Variants in UBAC1 observed in about 807,000 individuals in gnomAD.
The protein encoded by UBAC1 is ubiquitin-associated domain-containing protein 1.
A neutral mutation model predicts 45.9 loss-of-function variants in UBAC1; 27 were observed. The ratio of observed to expected loss-of-function variants is 0.59; its 90% CI spans 0.43 to 0.81. The LOEUF is 0.81. Among genes scored for constraint, UBAC1 ranks in the 30% least tolerant of loss-of-function variants. The pLI is 0.00. For missense variants in UBAC1, 529 were observed against 539.2 expected, an observed-to-expected ratio of 0.98 and a Z score of 0.19; for synonymous variants, 227 against 215.5, an observed-to-expected ratio of 1.05 and a Z score of -0.47.
Position 135,933,560 on chromosome 9 carries a change from A to G in UBAC1, c.1103-45T>C. The G allele has an allele frequency of 2.8e-6, 4 of 1,441,068 alleles. No individual in the cohort carries two copies. In the East Asian group the frequency reaches 9.1e-5, roughly 33 times the overall value. 89.3% of individuals were successfully genotyped at this position (1,441,068 alleles called of 1,614,324 possible). On this transcript the variant is annotated intron_variant, in intron 9 of 9. Coordinates refer to ENST00000371756, the MANE Select transcript of UBAC1 (RefSeq NM_016172.3). ...AGCCTGAGTGCCCACGCCCCCACTC[A>G]GCCCACAGGCACAGGCGTGACTTTC...
chr9:135,943,085 C>T (rs1839288423), intron 7 of UBAC1, among the ~76,000 whole-genome samples: 1 of 152,128 alleles, frequency 6.6e-6, no homozygotes, highest in Non-Finnish European at 1.5e-5. Flanking sequence ...AAAACAACCC[C>T]ATTAAAAAGT....
At chr9:135,938,512 A>C in intron 8 of UBAC1, 152 bp from the exon 9 acceptor site, 7 of 1,007,920 alleles carry the variant, frequency 6.9e-6, no homozygotes, top group Non-Finnish European at 9.9e-6. Context: ...TACCGTGAAG[A>C]CAAACGCAGT....
Position 135,945,156 on chromosome 9 carries a change from C to G in UBAC1, c.748G>C (p.Glu250Gln). 1 of 1,613,806 alleles carries G rather than the reference C, an allele frequency of 6.2e-7. No homozygotes were observed. Among genetic ancestry groups the G allele is most frequent in the Non-Finnish European group, 8.5e-7 (1 of 1,179,946 alleles). Reference sequence around the variant, plus strand: ...TCGGAGGCAGCTGCTGTGGCCCCCTCGGCCTCTGGGGGAGCTTGGCCAGGA... The same window carrying G: ...TCGGAGGCAGCTGCTGTGGCCCCCTGGGCCTCTGGGGGAGCTTGGCCAGGA... ...PLPGQAPPEA[E>Q]GATAAASEAA... The change falls in exon 7 of 10, where the codon GAG becomes CAG. Residue 250 changes from glutamate to glutamine, a missense_variant. Physicochemically the swap from Glu to Gln is conservative, Grantham distance 29. Coordinates refer to ENST00000371756, the MANE Select transcript of UBAC1 (RefSeq NM_016172.3).
In UBAC1 at chr9:135,946,369, G is replaced by T. The variant is rs771432476; in HGVS notation, c.444C>A (p.Phe148Leu). Residue 148 changes from phenylalanine (F) to leucine (L), a missense_variant and splice_region_variant, in exon 5 of 10, where the codon TTC (phenylalanine) becomes TTA (leucine). Transcript: ENST00000371756. ...CCAGTATCTTCCGGAGTTCTGTCTG[G>T]AACTGTGGTGAAAAAAAAGGAGATC... ...RAAVQTNMRD[F>L]QTELRKILVS... 1.2e-6 allele frequency: 2 copies of T among 1,605,682 alleles called. No homozygotes were observed. The highest frequency in any genetic ancestry group is 2.7e-5 in the African/African-American group (2 of 74,862).
At position 135,952,396 on chromosome 9, in the gene UBAC1, G is replaced by A. The variant is rs537847883; in HGVS notation, c.333+1284C>T. ...AATGCAAAGACAGCAGAGGAAAGTG[G>A]CTGCCCTTCTAGCTGGCAGGCTCCA... On this transcript the variant is annotated intron_variant, in intron 3 of 9. Coordinates refer to ENST00000371756, the MANE Select transcript of UBAC1 (RefSeq NM_016172.3). Among the ~76,000 whole-genome samples the A allele has an allele frequency of 2.0e-5, 3 of 152,370 alleles. No individual in the cohort carries two copies. The East Asian group carries it at 5.8e-4, about 29-fold the overall frequency.
chr9:135,934,940 G>C (rs1839186344), intron 9 of UBAC1, among the ~76,000 whole-genome samples: 1 of 152,104 alleles, frequency 6.6e-6, no homozygotes, highest in African/African-American at 2.4e-5. Context: ...GAGTGCAGTG[G>C]AGTGATCATG....
In UBAC1 at chr9:135,939,768, C is replaced by G; in HGVS notation, c.877-9G>C. 6.2e-7 allele frequency: 1 copy of G among 1,611,174 alleles called. No homozygotes were observed. On this transcript the variant is annotated splice_polypyrimidine_tract_variant and intron_variant, in intron 7 of 9. Transcript: ENST00000371756. The stretch of plus-strand genomic sequence containing the variant: ...ATCAGGGAAATGACGGCCTAGAGGA[C>G]AGCACAGCCGTTAGCTCGCTGGGGG...
chr9:135,945,335 G>T, intron 6 of UBAC1, 85 bp from the exon 7 acceptor site: 1 of 1,220,984 alleles, frequency 8.2e-7, no homozygotes, highest in Non-Finnish European at 1.1e-6. Flanking sequence ...AAGAGCCTCT[G>T]CTATGGTAGT....
intron 3 of UBAC1, among the ~76,000 whole-genome samples, chr9:135,948,447 C>T (rs537287338): frequency 2.2e-4 from 33 of 152,262 alleles, no homozygotes; most frequent in Non-Finnish European, 3.8e-4. Flanking sequence ...AGAGCATGGA[C>T]GCAAGACCAT....
chr9:135,953,584 C>G, intron 3 of UBAC1, 96 bp downstream of exon 3: 2 of 1,019,882 alleles, frequency 2.0e-6, no homozygotes, highest in Non-Finnish European at 2.9e-6. Context: ...TCCCAAAGTG[C>G]TGGGATTACA....
Position 135,947,935 on chromosome 9 carries a change from G to A in UBAC1, c.334-30C>T, listed in dbSNP as rs1260309370. 4 of 1,597,424 alleles carry A rather than the reference G, an allele frequency of 2.5e-6. No individual in the cohort carries two copies. In the African/African-American group the frequency reaches 5.4e-5, roughly 21 times the overall value. On this transcript the variant is annotated intron_variant, in intron 3 of 9. Transcript: ENST00000371756. ...ACAGAAACGTAATCAGAAAGTCTGA[G>A]GTGAACGTAAGAGCAGCAAAAAGAC...
rs114280388 is a variant in UBAC1, at chr9:135,948,115, A to G, written c.334-210T>C. On this transcript the variant is annotated intron_variant, in intron 3 of 9. Transcript: ENST00000371756. ...GTCCTCAGCGTCTGCTCTGACGTAA[A>G]TAAGAGTGAAGCGGTAGGTGAGGGG... is the stretch of plus-strand genomic sequence containing the variant. 3.0e-3 allele frequency: 1,538 copies of G among 521,092 alleles called. 26 individuals carry two copies. Among genetic ancestry groups the G allele is most frequent in the African/African-American group, 0.027 (1,361 of 51,214 alleles). 32.3% of individuals were successfully genotyped at this position (521,092 alleles called of 1,614,324 possible). A position where few individuals can be genotyped will look rare whatever the true frequency, so the allele number is the denominator to read the frequency against.
chr9:135,945,187 C>A lies in UBAC1; in HGVS notation c.717G>T (p.Thr239=), dbSNP rs747291545. 1.2e-6 allele frequency: 2 copies of A among 1,612,776 alleles called. No individual in the cohort carries two copies. The highest frequency in any genetic ancestry group is 2.2e-5 in the East Asian group (1 of 44,846). The change falls in exon 7 of 10, where the codon ACG becomes ACT. Residue 239 remains threonine, a synonymous_variant. Coordinates refer to ENST00000371756, the MANE Select transcript of UBAC1 (RefSeq NM_016172.3). ...CTGGGGGAGCTTGGCCAGGAAGAGG[C>A]GTGTCTATGGTCGGGTCTTCTGCGT... The part of the protein sequence containing the change: ...IEHAEDPTID[T]PLPGQAPPEA...
At chr9:135,954,639 C>T (rs1239547215) in intron 2 of UBAC1, among the ~76,000 whole-genome samples, 1 of 152,220 alleles carries the variant, frequency 6.6e-6, no homozygotes, top group African/African-American at 2.4e-5. Flanking sequence ...GACAATCCTG[C>T]AACAGGCATT....
rs577545372 is a variant in UBAC1, at chr9:135,960,546, C to A, written c.138+479G>T. Among the ~76,000 whole-genome samples, 60 of 152,110 alleles carry A rather than the reference C, an allele frequency of 3.9e-4. 1 individual carries two copies. The highest frequency in any genetic ancestry group is 2.1e-4 in the South Asian group (1 of 4,812). ...GAAGAGGAAGGAGAAGGGGCCTCTT[C>A]ATGAAGGAGCCTACGTTAATTCTCA... is the stretch of plus-strand genomic sequence containing the variant. On this transcript the variant is annotated intron_variant, in intron 1 of 9. Transcript: ENST00000371756.
intron 3 of UBAC1, among the ~76,000 whole-genome samples, chr9:135,951,867 G>A (rs1032246259): frequency 6.6e-6 from 1 of 152,122 alleles, no homozygotes; most frequent in African/African-American, 2.4e-5. Flanking sequence ...AATATGAACT[G>A]ACATCTTACA....
rs374638887 is a variant in UBAC1 at position 135,955,288 on chromosome 9, G to A, written c.259+7C>T. 6.4e-7 allele frequency: 1 copy of A among 1,566,714 alleles called. No homozygotes were observed. The highest frequency in any genetic ancestry group is 8.6e-7 in the Non-Finnish European group (1 of 1,161,052). On this transcript the variant is annotated splice_region_variant and intron_variant, in intron 2 of 9. Transcript: ENST00000371756. ...GCTGCCAACCCGCCCGCCCACAGCAGCCTTACCTTGGTCCTGGATGTTCTC... is the reference window on the plus strand; with the variant it reads ...GCTGCCAACCCGCCCGCCCACAGCAACCTTACCTTGGTCCTGGATGTTCTC...
intron 9 of UBAC1, 76 bp from the exon 10 acceptor site, chr9:135,933,591 C>A (rs1000918696): frequency 9.7e-7 from 1 of 1,033,304 alleles, no homozygotes; most frequent in African/African-American, 1.6e-5. Flanking sequence ...CTTTCCTCTT[C>A]GGCAGCTTCC....
intron 9 of UBAC1, among the ~76,000 whole-genome samples, chr9:135,936,637 G>A (rs947673533): frequency 2.0e-5 from 3 of 152,012 alleles, no homozygotes; most frequent in African/African-American, 4.8e-5. Flanking sequence ...GGGATTACAG[G>A]TGCATACCAC....
Sources: gnomAD v4.1 joint callset for allele counts (sites outside exome capture counted in the v4.1 genomes callset) on GRCh38, gnomAD v4.1.1 for gene constraint, MANE v1.5 for transcripts, NCBI Gene and HGNC (gene_info 2026-07-23, HGNC 2026-07-21) for gene names.